The following CNTD1 variants were observed in gnomAD, a reference collection of about 807,000 sequenced individuals.
The protein encoded by CNTD1 is cyclin N-terminal domain-containing protein 1.
A neutral mutation model predicts 36.3 loss-of-function variants in CNTD1; 17 were observed. That is an observed-to-expected ratio of 0.47 (90% CI 0.32 to 0.70). CNTD1 has a LOEUF of 0.70. Among genes scored for constraint, CNTD1 ranks in the 30% least tolerant of loss-of-function variants. The pLI is 0.03. For missense variants in CNTD1, 338 were observed against 386.1 expected, an observed-to-expected ratio of 0.88 and a Z score of 1.04; for synonymous variants, 128 against 153.3, an observed-to-expected ratio of 0.83 and a Z score of 1.22.
At chr17:42,805,677 A>G (rs1453076974) in intron 3 of CNTD1, 45 bp from the exon 4 acceptor site, 1 of 1,556,068 alleles carries the variant, frequency 6.4e-7, no homozygotes, top group Non-Finnish European at 8.8e-7. Flanking sequence ...AAGACGTATG[A>G]ACTTTATCCT....
chr17:42,800,174 TGA>T (rs1450731089), intron 1 of CNTD1, among the ~76,000 whole-genome samples: 1 of 151,274 alleles, frequency 6.6e-6, no homozygotes, highest in Non-Finnish European at 1.5e-5. Flanking sequence ...AAATATGCAA[TGA>T]CTAGGTACTA....
In CNTD1 at chr17:42,809,925, A is replaced by G. The variant is rs1213540443; in HGVS notation, c.*390A>G. ...GTAGCCTTTATTTCCCCTTAAAATTAGTTTAACATCTCTGTTCCATTATTC... is the reference window on the plus strand; with the variant it reads ...GTAGCCTTTATTTCCCCTTAAAATTGGTTTAACATCTCTGTTCCATTATTC... On this transcript the variant is annotated 3_prime_UTR_variant, in exon 7 of 7. Transcript: ENST00000588408. 5 of 153,940 alleles carry G rather than the reference A, an allele frequency of 3.2e-5. No homozygotes were observed. The highest frequency in any genetic ancestry group is 1.2e-4 in the African/African-American group (5 of 41,128). 9.5% of individuals were successfully genotyped at this position (153,940 alleles called of 1,614,324 possible).
rs545887784 is a variant in CNTD1, at chr17:42,801,979, T to C, written c.170-1641T>C. ...AACTAAAGATTGCAAAAAGCCATGA[T>C]ATTTAACAATTTGGACATATTTACT... is the stretch of plus-strand genomic sequence containing the variant. On this transcript the variant is annotated intron_variant, in intron 1 of 6. Transcript: ENST00000588408. Among the ~76,000 whole-genome samples, 75 of 152,294 alleles carry C rather than the reference T, an allele frequency of 4.9e-4. 1 individual carries two copies. Among genetic ancestry groups the C allele is most frequent in the South Asian group, 3.1e-3 (15 of 4,828 alleles).
chr17:42,809,784 A>G lies in CNTD1; in HGVS notation c.*249A>G. ...ATTAGTTGTTTCATTTTTGTTTAAC[A>G]AGGTATTTATACTTTTAGCTTAATT... On this transcript the variant is annotated 3_prime_UTR_variant, in exon 7 of 7. Transcript: ENST00000588408. 2.4e-6 allele frequency: 1 copy of G among 411,150 alleles called. No homozygotes were observed. The allele number at this position is 411,150 out of a possible 1,614,324, so 25.5% of individuals were successfully genotyped here.
Position 42,803,712 on chromosome 17 carries a change from A to C in CNTD1, c.245+17A>C. On this transcript the variant is annotated intron_variant, in intron 2 of 6. Transcript: ENST00000588408. Reference sequence around the variant, plus strand: ...CCTAGAAAGGTAAAGCCCTGGCATAATGCCTTTTGAACGGCACCTCTCAGA... The same window carrying C: ...CCTAGAAAGGTAAAGCCCTGGCATACTGCCTTTTGAACGGCACCTCTCAGA... 6.2e-7 allele frequency: 1 copy of C among 1,604,074 alleles called. No homozygotes were observed. Among genetic ancestry groups the C allele is most frequent in the Non-Finnish European group, 8.5e-7 (1 of 1,171,618 alleles).
Position 42,803,621 on chromosome 17 carries a change from G to A in CNTD1, c.171G>A (p.Glu57=). Residue 57 remains glutamate, a splice_region_variant and synonymous_variant, in exon 2 of 7, where the codon GAG becomes GAA. Transcript: ENST00000588408. The part of the protein sequence containing the change: ...LGRFREPQIV[E]FVFLLSEQWC... ...GGCTCTTTTTTCCTGTTTTGGCAGA[G>A]TTTGTTTTTCTCCTGTCTGAACAAT... 2 of 1,613,030 alleles carry A rather than the reference G, an allele frequency of 1.2e-6. No homozygotes were observed. Among genetic ancestry groups the A allele is most frequent in the Non-Finnish European group, 1.7e-6 (2 of 1,179,578 alleles).
intron 1 of CNTD1, among the ~76,000 whole-genome samples, chr17:42,802,454 A>G (rs1261586841): frequency 1.3e-5 from 2 of 152,224 alleles, no homozygotes; most frequent in Non-Finnish European, 2.9e-5. Flanking sequence ...CCAAAACTTA[A>G]CAACTGCACA....
In CNTD1 at chr17:42,811,510, A is replaced by T; in HGVS notation, c.*1975A>T. On this transcript the variant is annotated 3_prime_UTR_variant, in exon 7 of 7. Coordinates refer to ENST00000588408, the MANE Select transcript of CNTD1 (RefSeq NM_173478.3). ...TCTGTCCTGCTTGCAGTACTGGGTC[A>T]GTCTCTGCCCATCAATGTCATGTGA... 9.8e-7 allele frequency: 1 copy of T among 1,018,214 alleles called. No homozygotes were observed. Among genetic ancestry groups the T allele is most frequent in the Non-Finnish European group, 1.4e-6 (1 of 697,664 alleles). The allele number at this position is 1,018,214 out of a possible 1,614,324, so 63.1% of individuals were successfully genotyped here. A position where few individuals can be genotyped will look rare whatever the true frequency, so the allele number is the denominator to read the frequency against.
In CNTD1 at chr17:42,804,371, C is replaced by A. The variant is rs1404454648; in HGVS notation, c.392C>A (p.Ala131Asp). The change falls in exon 3 of 7, where the codon GCC becomes GAC. Residue 131 changes from alanine to aspartate, a missense_variant. Coordinates refer to ENST00000588408, the MANE Select transcript of CNTD1 (RefSeq NM_173478.3). ...CGTCTTGTGTCATGTGTTCAGCTGG[C>A]CAGCAAACTTTCCTTCCGAAACAAA... ...TLRLVSCVQLASKLSFRNKII... is the reference protein window; with the variant it reads ...TLRLVSCVQLDSKLSFRNKII... 1.2e-6 allele frequency: 2 copies of A among 1,613,976 alleles called. No individual in the cohort carries two copies. Among genetic ancestry groups the A allele is most frequent in the Non-Finnish European group, 1.7e-6 (2 of 1,179,950 alleles).
At chr17:42,805,207 TTC>T (rs1397417823) in intron 3 of CNTD1, among the ~76,000 whole-genome samples, 2 of 152,294 alleles carry the variant, frequency 1.3e-5, no homozygotes, top group Non-Finnish European at 2.9e-5. Flanking sequence ...AACAAATACT[TTC>T]TGAGTTTATT....
chr17:42,805,530 T>G, intron 3 of CNTD1, 192 bp from the exon 4 acceptor site: 1 of 458,550 alleles, frequency 2.2e-6, no homozygotes, highest in Non-Finnish European at 3.9e-6. Flanking sequence ...TGTAGTGGCT[T>G]GGAGAGGGAC....
In CNTD1 at chr17:42,809,469, A is replaced by C; in HGVS notation, c.927A>C (p.Arg309Ser). The part of the protein sequence containing the change: ...THGVGANTPG[R>S]QQSIPPHLAA... Reference sequence around the variant, plus strand: ...GAGTGGGAGCCAACACTCCGGGGAGACAGCAGTCTATTCCTCCCCACCTGG... The same window carrying C: ...GAGTGGGAGCCAACACTCCGGGGAGCCAGCAGTCTATTCCTCCCCACCTGG... The change falls in exon 7 of 7, where the codon AGA (arginine) becomes AGC (serine). Residue 309 changes from arginine (R) to serine (S), a missense_variant. Arg to Ser is a moderately radical substitution (Grantham distance 110, BLOSUM62 -1). Transcript: ENST00000588408. 6.2e-7 allele frequency: 1 copy of C among 1,614,142 alleles called. No homozygotes were observed. Among genetic ancestry groups the C allele is most frequent in the Non-Finnish European group, 8.5e-7 (1 of 1,180,006 alleles).
At chr17:42,799,716 C>G (rs1245615265) in intron 1 of CNTD1, among the ~76,000 whole-genome samples, 1 of 125,660 alleles carries the variant, frequency 8.0e-6, no homozygotes, top group Non-Finnish European at 1.6e-5. Flanking sequence ...CGTGCCATTG[C>G]ACTTCAGCCT....
chr17:42,810,707 A>C lies in CNTD1; in HGVS notation c.*1172A>C. 6.6e-7 allele frequency: 1 copy of C among 1,514,492 alleles called. No homozygotes were observed. The highest frequency in any genetic ancestry group is 1.4e-5 in the African/African-American group (1 of 71,400). 93.8% of individuals were successfully genotyped at this position (1,514,492 alleles called of 1,614,324 possible). A position where few individuals can be genotyped will look rare whatever the true frequency, so the allele number is the denominator to read the frequency against. ...CGAATTTAATTTAAAACATGTTTGC[A>C]AACAAAACAAAATTAAAAGCCTTTA... On this transcript the variant is annotated 3_prime_UTR_variant, in exon 7 of 7. Coordinates refer to ENST00000588408, the MANE Select transcript of CNTD1 (RefSeq NM_173478.3).
rs1377700697 is a variant in CNTD1 at position 42,804,249 on chromosome 17, C to A, written c.270C>A (p.Asn90Lys). ...GGTTTATGGTAAAACAGGCAGAGAA[C>A]ATCTGCAGGCAAGCCACAATCCAGC... ...LERFMVKQAE[N>K]ICRQATIQPR... Residue 90 changes from asparagine (N) to lysine (K), a missense_variant, in exon 3 of 7, where the codon AAC (asparagine) becomes AAA (lysine). Coordinates refer to ENST00000588408, the MANE Select transcript of CNTD1 (RefSeq NM_173478.3). 6.2e-7 allele frequency: 1 copy of A among 1,613,948 alleles called. No homozygotes were observed. The highest frequency in any genetic ancestry group is 1.1e-5 in the South Asian group (1 of 91,058).
intron 1 of CNTD1, among the ~76,000 whole-genome samples, chr17:42,803,070 A>T (rs908761057): frequency 2.0e-5 from 3 of 152,150 alleles, no homozygotes; most frequent in Non-Finnish European, 4.4e-5. Context: ...TTACCCAGCA[A>T]ACTGGTGGTG....
intron 5 of CNTD1, 53 bp from the exon 6 acceptor site, chr17:42,807,715 G>T: frequency 7.9e-7 from 1 of 1,265,684 alleles, no homozygotes; most frequent in South Asian, 1.2e-5. Flanking sequence ...CCTATGATTT[G>T]GAAGATCAAG....
chr17:42,799,279 G>A (rs2054731566), intron 1 of CNTD1, 43 bp downstream of exon 1: 2 of 1,571,754 alleles, frequency 1.3e-6, no homozygotes, highest in Non-Finnish European at 1.7e-6. Context: ...GGGAGACTGG[G>A]GCTTGTGTCT....
chr17:42,808,901 T>C (rs2144132868), intron 6 of CNTD1, among the ~76,000 whole-genome samples: 1 of 151,400 alleles, frequency 6.6e-6, no homozygotes, highest in Non-Finnish European at 1.5e-5. Context: ...TAAACAAAAG[T>C]AGCTGGACAT....
Sources: gnomAD v4.1 joint callset for allele counts (sites outside exome capture counted in the v4.1 genomes callset) on GRCh38, gnomAD v4.1.1 for gene constraint, MANE v1.5 for transcripts, NCBI Gene and HGNC (gene_info 2026-07-23, HGNC 2026-07-21) for gene names.